The following CAPN14 variants were observed in gnomAD, a reference collection of about 807,000 sequenced individuals.
CAPN14 encodes calpain-14.
Under a neutral mutation model 101.3 loss-of-function variants are expected in CAPN14, and 94 were observed. That is an observed-to-expected ratio of 0.93 (90% CI 0.79 to 1.10). CAPN14 has a LOEUF of 1.10. Ranked by LOEUF, CAPN14 falls within the 50% of genes least tolerant of loss-of-function variation. CAPN14 has a pLI of 0.00. For synonymous variants in CAPN14, 338 were observed against 317.9 expected, an observed-to-expected ratio of 1.06 and a Z score of -0.67; for missense variants, 837 against 828.4, an observed-to-expected ratio of 1.01 and a Z score of -0.13.
At chr2:31,224,905 G>A (rs934337146) in intron 2 of CAPN14, among the ~76,000 whole-genome samples, 1 of 151,994 alleles carries the variant, frequency 6.6e-6, no homozygotes, top group Non-Finnish European at 1.5e-5. Context: ...CATATTCCTG[G>A]AGGGAAAGAT....
intron 1 of CAPN14, among the ~76,000 whole-genome samples, chr2:31,231,139 T>A (rs73922287): frequency 4.0e-5 from 6 of 150,272 alleles, no homozygotes; most frequent in African/African-American, 1.5e-4. Flanking sequence ...CCCTTCCACC[T>A]CTCCCTCTCC....
chr2:31,205,525 T>C, intron 1 of CAPN14, 26 bp from the exon 2 acceptor site: 1 of 1,128,964 alleles, frequency 8.9e-7, no homozygotes, highest in Non-Finnish European at 1.3e-6. Context: ...GACGGTCAGT[T>C]TCCTCACTTC....
At chr2:31,223,824 G>T (rs577398447) in intron 2 of CAPN14, among the ~76,000 whole-genome samples, 9 of 152,214 alleles carry the variant, frequency 5.9e-5, no homozygotes, top group South Asian at 2.1e-4. Context: ...CACCAAGCCT[G>T]GCCGCTTCTG....
chr2:31,207,162 C>CT (rs59814084), intron 1 of CAPN14, among the ~76,000 whole-genome samples: 3,933 of 152,276 alleles, frequency 0.026, 53 homozygotes, highest in South Asian at 0.043. Context: ...CTGAGTGTGA[C>CT]TTCTCCCTCA....
At position 31,186,400 on chromosome 2, in the gene CAPN14, T is replaced by A. The variant is rs143752754; in HGVS notation, c.1645+28A>T. 5.8e-5 allele frequency: 88 copies of A among 1,521,194 alleles called. No individual in the cohort carries two copies. In the African/African-American group the frequency reaches 1.2e-3, roughly 20 times the overall value. 94.2% of individuals were successfully genotyped at this position (1,521,194 alleles called of 1,614,324 possible). The stretch of plus-strand genomic sequence containing the variant: ...TTAGAAAAGTTGCATCCCCTCTGAG[T>A]CCTACAGAATGGCTCTAAAACACTT... On this transcript the variant is annotated intron_variant, in intron 16 of 21. Coordinates refer to ENST00000403897, the MANE Select transcript of CAPN14 (RefSeq NM_001145122.2).
chr2:31,179,872 G>T (rs539342549), intron 17 of CAPN14, among the ~76,000 whole-genome samples: 1 of 152,206 alleles, frequency 6.6e-6, no homozygotes, highest in South Asian at 2.1e-4. Flanking sequence ...CTTTTGAGAA[G>T]TGTCTGTTCA....
intron 8 of CAPN14, among the ~76,000 whole-genome samples, chr2:31,196,365 T>C (rs943660814): frequency 2.0e-5 from 3 of 152,228 alleles, no homozygotes; most frequent in Non-Finnish European, 2.9e-5. Context: ...GCTAGACTTC[T>C]GTAGCATGTT....
chr2:31,186,788 T>C (rs1680920647), intron 15 of CAPN14, among the ~76,000 whole-genome samples: 1 of 152,354 alleles, frequency 6.6e-6, no homozygotes, highest in South Asian at 2.1e-4. Context: ...TAAAAGAAAC[T>C]CTTTATATGA....
At chr2:31,193,024 C>T (rs1332023202) in intron 10 of CAPN14, 107 bp downstream of exon 10, 29 of 1,136,246 alleles carry the variant, frequency 2.6e-5, no homozygotes, top group Non-Finnish European at 3.1e-5. Context: ...AGAGCCTCCT[C>T]CCCACTCAGC....
chr2:31,230,771 A>C lies in CAPN14; in HGVS notation c.-177+3020T>G, dbSNP rs547267211. ...TTTCATGGGTTTTTGTGTATAGGAAATATCTTTTCACTCACTTTTGTATTT... is the reference window on the plus strand; with the variant it reads ...TTTCATGGGTTTTTGTGTATAGGAACTATCTTTTCACTCACTTTTGTATTT... On this transcript the variant is annotated intron_variant and NMD_transcript_variant, in intron 1 of 21. Transcript: ENST00000398824. The surrounding 1 kb of genome is among the most constrained non-coding windows in gnomAD (Gnocchi z 4.3). Among the ~76,000 whole-genome samples, 1 of 152,184 alleles carries C rather than the reference A, an allele frequency of 6.6e-6. No individual in the cohort carries two copies. The highest frequency in any genetic ancestry group is 1.5e-5 in the Non-Finnish European group (1 of 68,036).
intron 15 of CAPN14, among the ~76,000 whole-genome samples, chr2:31,187,275 C>A (rs185650234): frequency 2.6e-5 from 4 of 152,244 alleles, no homozygotes; most frequent in Admixed American, 2.6e-4. Flanking sequence ...AAGGAAGAAG[C>A]CACAGAAACC....
intron 5 of CAPN14, among the ~76,000 whole-genome samples, chr2:31,201,346 G>A (rs943419759): frequency 4.6e-5 from 7 of 152,068 alleles, no homozygotes; most frequent in Non-Finnish European, 1.0e-4. Flanking sequence ...CAGTTGTGTC[G>A]TTGAAGCTGT....
intron 1 of CAPN14, among the ~76,000 whole-genome samples, chr2:31,215,094 C>A (rs1050808263): frequency 6.6e-6 from 1 of 152,190 alleles, no homozygotes; most frequent in Non-Finnish European, 1.5e-5. Flanking sequence ...CTTTCAACCC[C>A]AAGAGGTAGC....
rs761716019 is a variant in CAPN14 at position 31,205,388 on chromosome 2, C to T, written c.60G>A (p.Arg20=). 5.4e-5 allele frequency: 83 copies of T among 1,551,350 alleles called. No homozygotes were observed. The highest frequency in any genetic ancestry group is 6.8e-5 in the Non-Finnish European group (78 of 1,146,960). The change falls in exon 2 of 22, where the codon AGG becomes AGA. Residue 20 remains arginine (R), a synonymous_variant. Coordinates refer to ENST00000403897, the MANE Select transcript of CAPN14 (RefSeq NM_001145122.2). ...CCTGTTGGGGTTGCTGTGGAGACGC[C>T]CTCCTAGAGTACCTTGGCGCCAGCT... ...RWKLAPRYSR[R]ASPQQPQQDF...
chr2:31,175,112 C>T (rs1205696917), intron 21 of CAPN14, among the ~76,000 whole-genome samples: 1 of 152,152 alleles, frequency 6.6e-6, no homozygotes, highest in Admixed American at 6.5e-5. Context: ...CCCTCTAACT[C>T]ATATAGAGGG....
intron 11 of CAPN14, 130 bp from the exon 12 acceptor site, chr2:31,191,537 CCG>C: frequency 1.2e-6 from 1 of 833,900 alleles, no homozygotes; most frequent in Admixed American, 2.9e-5. Context: ...TACCCAGAAG[CCG>C]TGTCCCCTCC....
chr2:31,218,952 G>C (rs148066511), upstream of CAPN14, among the ~76,000 whole-genome samples: 752 of 101,964 alleles, frequency 7.4e-3, 7 homozygotes, highest in African/African-American at 0.026. Flanking sequence ...CAGTGGATCT[G>C]GGAAGACCAT....
chr2:31,201,831 G>A (rs1337780065), intron 5 of CAPN14, 31 bp downstream of exon 5: 5 of 1,545,916 alleles, frequency 3.2e-6, no homozygotes, highest in African/African-American at 1.4e-5. Context: ...AAGAAGCGAT[G>A]GGAAGGGGGA....
intron 1 of CAPN14, among the ~76,000 whole-genome samples, chr2:31,206,886 T>C (rs991251869): frequency 2.0e-5 from 3 of 152,196 alleles, no homozygotes; most frequent in Non-Finnish European, 4.4e-5. Context: ...GAACTTATCA[T>C]TTGTCAGGCT....
Sources: gnomAD v4.1 joint callset for allele counts (sites outside exome capture counted in the v4.1 genomes callset) on GRCh38, gnomAD v4.1.1 for gene constraint, Gnocchi (gnomAD v3.1) non-coding constraint, MANE v1.5 for transcripts, NCBI Gene and HGNC (gene_info 2026-07-23, HGNC 2026-07-21) for gene names.